The following PEX14 variants were observed in gnomAD, a reference collection of about 807,000 sequenced individuals.
PEX14 encodes peroxisomal membrane protein PEX14.
A neutral mutation model predicts 49.5 loss-of-function variants in PEX14; 15 were observed. The ratio of observed to expected loss-of-function variants is 0.30; its 90% CI spans 0.20 to 0.47. The LOEUF (loss-of-function observed/expected upper bound fraction) is 0.47. PEX14 is among the 20% of genes least tolerant of loss of function. The pLI is 1.00. For missense variants in PEX14, 398 were observed against 494.8 expected (o/e 0.80, Z 1.86); for synonymous variants, 210 against 212.7 (o/e 0.99, Z 0.11).
chr1:10,566,663 G>A (rs998040571), intron 3 of PEX14, among the ~76,000 whole-genome samples: 5 of 151,642 alleles, frequency 3.3e-5, no homozygotes, highest in Admixed American at 2.0e-4. Flanking sequence ...TAATTTTTTT[G>A]TTTGTTTGTT....
intron 3 of PEX14, among the ~76,000 whole-genome samples, chr1:10,572,868 A>G (rs891003044): frequency 6.6e-6 from 1 of 152,144 alleles, no homozygotes; most frequent in Non-Finnish European, 1.5e-5. Context: ...GTCATTAGAC[A>G]ATTTCATTGT....
chr1:10,519,800 C>G (rs1415412067), intron 2 of PEX14, among the ~76,000 whole-genome samples: 1 of 152,182 alleles, frequency 6.6e-6, no homozygotes, highest in African/African-American at 2.4e-5. Flanking sequence ...TTTTTGGACA[C>G]AGGGACTTGC....
At chr1:10,570,979 G>A (rs563295861) in intron 3 of PEX14, among the ~76,000 whole-genome samples, 1 of 145,634 alleles carries the variant, frequency 6.9e-6, no homozygotes, top group African/African-American at 2.5e-5. Flanking sequence ...CTCCCAAATA[G>A]TTGGAAGTAC....
chr1:10,539,720 G>A lies in PEX14; in HGVS notation c.169+3423G>A, dbSNP rs1278095663. Reference sequence around the variant, plus strand: ...AATCAGTCCAGAAAGTTAGAGGCTTGGAAATTGTCGTCAATAGGCTTGTGT... The same window carrying A: ...AATCAGTCCAGAAAGTTAGAGGCTTAGAAATTGTCGTCAATAGGCTTGTGT... On this transcript the variant is annotated intron_variant, in intron 3 of 8. Coordinates refer to ENST00000356607, the MANE Select transcript of PEX14 (RefSeq NM_004565.3). This position sits in a 1 kb window ranked among gnomAD's most constrained non-coding sequence, Gnocchi z 4.6. 6.6e-6 allele frequency among the ~76,000 whole-genome samples: 1 copy of A among 152,148 alleles called. No homozygotes were observed. The highest frequency in any genetic ancestry group is 1.5e-5 in the Non-Finnish European group (1 of 68,034).
At chr1:10,595,431 T>G (rs189054276) in intron 3 of PEX14, among the ~76,000 whole-genome samples, 2 of 152,246 alleles carry the variant, frequency 1.3e-5, no homozygotes, top group Non-Finnish European at 2.9e-5. Flanking sequence ...ATAATATATT[T>G]TAATTGTCAG....
At chr1:10,497,152 G>A (rs1474000617) in intron 2 of PEX14, among the ~76,000 whole-genome samples, 2 of 152,034 alleles carry the variant, frequency 1.3e-5, no homozygotes, top group East Asian at 3.9e-4. Flanking sequence ...TATTGCTTTT[G>A]GCCAAGCATT....
At chr1:10,532,463 A>C (rs1028773594) in intron 2 of PEX14, among the ~76,000 whole-genome samples, 4 of 152,092 alleles carry the variant, frequency 2.6e-5, no homozygotes, top group African/African-American at 9.7e-5. Flanking sequence ...TGATTAAACT[A>C]GCTATTGGTA....
chr1:10,504,976 A>G (rs777883979), intron 2 of PEX14, among the ~76,000 whole-genome samples: 22 of 151,972 alleles, frequency 1.4e-4, no homozygotes, highest in Non-Finnish European at 2.9e-4. Context: ...GTAGAGACGG[A>G]GTTTCAACAT....
intron 3 of PEX14, among the ~76,000 whole-genome samples, chr1:10,580,245 G>A (rs1245880631): frequency 6.6e-6 from 1 of 151,838 alleles, no homozygotes; most frequent in East Asian, 1.9e-4. Flanking sequence ...TTTTTTTTGA[G>A]ATAGGATCTC....
intron 3 of PEX14, among the ~76,000 whole-genome samples, chr1:10,562,232 T>A (rs1440321940): frequency 6.6e-6 from 1 of 152,166 alleles, no homozygotes; most frequent in Non-Finnish European, 1.5e-5. Context: ...TTTCTTGTCT[T>A]CTTTTCTCCA....
intron 3 of PEX14, among the ~76,000 whole-genome samples, chr1:10,541,880 G>T (rs1639025718): frequency 6.6e-6 from 1 of 152,180 alleles, no homozygotes; most frequent in African/African-American, 2.4e-5. Context: ...CAAGAAGGCT[G>T]AGCTGAGGGG....
chr1:10,626,492 G>A (rs894305956), intron 7 of PEX14, among the ~76,000 whole-genome samples: 3 of 152,226 alleles, frequency 2.0e-5, no homozygotes, highest in African/African-American at 7.2e-5. Context: ...TGCTTGCTGG[G>A]GTGAGCCCAC....
chr1:10,606,402 T>C (rs548640237), intron 4 of PEX14, among the ~76,000 whole-genome samples: 5 of 152,372 alleles, frequency 3.3e-5, no homozygotes, highest in African/African-American at 4.8e-5. Flanking sequence ...CCCCATTGGC[T>C]GGATCTTGCA....
At chr1:10,554,418 G>A (rs1206752628) in intron 3 of PEX14, among the ~76,000 whole-genome samples, 2 of 152,118 alleles carry the variant, frequency 1.3e-5, no homozygotes, top group Non-Finnish European at 2.9e-5. Flanking sequence ...CTGACTTGCT[G>A]GGAGATCCCA....
chr1:10,558,146 G>A (rs953022311), intron 3 of PEX14, among the ~76,000 whole-genome samples: 9 of 151,870 alleles, frequency 5.9e-5, no homozygotes, highest in Non-Finnish European at 1.0e-4. Context: ...GTTAGTATTC[G>A]TTGTACTCTT....
chr1:10,594,495 C>T (rs284270), intron 3 of PEX14, among the ~76,000 whole-genome samples: 15,571 of 152,246 alleles, frequency 0.1, 1,994 homozygotes, highest in African/African-American at 0.3. Context: ...AGTCAGATGC[C>T]ACATTTTTAT....
intron 2 of PEX14, among the ~76,000 whole-genome samples, chr1:10,501,351 C>T (rs1641673648): frequency 6.6e-6 from 1 of 152,128 alleles, no homozygotes; most frequent in African/African-American, 2.4e-5. Flanking sequence ...GGCTAGAGTG[C>T]TGGAGTGCAG....
At chr1:10,553,659 G>A (rs1639398399) in intron 3 of PEX14, among the ~76,000 whole-genome samples, 1 of 152,122 alleles carries the variant, frequency 6.6e-6, no homozygotes, top group African/African-American at 2.4e-5. Context: ...TCCAAGAAGA[G>A]AAGGTCCCAC....
intron 7 of PEX14, among the ~76,000 whole-genome samples, chr1:10,625,000 C>G (rs887099677): frequency 1.3e-5 from 2 of 152,186 alleles, no homozygotes; most frequent in African/African-American, 4.8e-5. Flanking sequence ...GTGAAGAAAT[C>G]TTGGCGTGGC....
Sources: gnomAD v4.1 joint callset for allele counts (sites outside exome capture counted in the v4.1 genomes callset) on GRCh38, gnomAD v4.1.1 for gene constraint, Gnocchi (gnomAD v3.1) non-coding constraint, MANE v1.5 for transcripts, NCBI Gene and HGNC (gene_info 2026-07-23, HGNC 2026-07-21) for gene names.